Variants in DCP2 observed in about 807,000 individuals in gnomAD.
The protein encoded by DCP2 is decapping mRNA 2.
Under a neutral mutation model 56.1 loss-of-function variants are expected in DCP2, and 30 were observed. The ratio of observed to expected loss-of-function variants is 0.53; its 90% CI spans 0.40 to 0.73. The LOEUF is 0.73. Ranked by LOEUF, DCP2 falls within the 30% of genes least tolerant of loss-of-function variation. The pLI, the probability that DCP2 is intolerant of heterozygous loss-of-function variation, is 0.00. For missense variants in DCP2, 533 were observed against 502.7 expected, an observed-to-expected ratio of 1.06 and a Z score of -0.58; for synonymous variants, 197 against 163.3, an observed-to-expected ratio of 1.21 and a Z score of -1.57.
Position 113,007,989 on chromosome 5 carries a change from C to A in DCP2, c.994C>A (p.Gln332Lys). Residue 332 changes from glutamine (Q) to lysine (K), a missense_variant, in exon 9 of 11, where the codon CAA becomes AAA. Physicochemically the swap from Gln to Lys is moderately conservative, Grantham distance 53 (BLOSUM62 1). This residue lies in a region of DCP2 where 392 missense variants were observed against 346.6 expected (regional missense o/e 1.13). Transcript: ENST00000389063. ...GRKQYQDSPN[Q>K]KKRTNGLQPA... ...AAAACAGTATCAAGATTCACCTAAT[C>A]AAAAGAAAAGAACAAATGGGCTTCA... is the stretch of plus-strand genomic sequence containing the variant. 1 of 1,613,854 alleles carries A rather than the reference C, an allele frequency of 6.2e-7. No homozygotes were observed. Among genetic ancestry groups the A allele is most frequent in the East Asian group, 2.2e-5 (1 of 44,860 alleles).
At position 113,021,001 on chromosome 5, in the gene DCP2, C is replaced by T. The variant is rs533330226; in HGVS notation, c.*7517C>T. The T allele has an allele frequency of 3.9e-5, 6 of 152,100 alleles. No homozygotes were observed. Among genetic ancestry groups the T allele is most frequent in the South Asian group, 4.2e-4 (2 of 4,814 alleles). 9.4% of individuals were successfully genotyped at this position (152,100 alleles called of 1,614,324 possible). ...GTTTTCTGCTACTGTTATTTATCAT[C>T]GTAGGTTCTGAGTTGCTCATTGTGG... On this transcript the variant is annotated 3_prime_UTR_variant, in exon 11 of 11. Coordinates refer to ENST00000389063, the MANE Select transcript of DCP2 (RefSeq NM_152624.6).
chr5:113,001,531 C>T (rs1749179447), intron 6 of DCP2, 36 bp from the exon 7 acceptor site: 4 of 1,608,388 alleles, frequency 2.5e-6, no homozygotes, highest in Non-Finnish European at 2.6e-6. Context: ...CTGTCTGTAG[C>T]CATATTTTGA....
intron 8 of DCP2, among the ~76,000 whole-genome samples, chr5:113,007,484 T>C (rs2150189210): frequency 6.6e-6 from 1 of 151,400 alleles, no homozygotes; most frequent in East Asian, 2.0e-4. Flanking sequence ...GACTGCAACC[T>C]CCACCTCCTG....
At chr5:112,994,615 C>T (rs1030457758) in intron 4 of DCP2, among the ~76,000 whole-genome samples, 1 of 152,098 alleles carries the variant, frequency 6.6e-6, no homozygotes, top group Non-Finnish European at 1.5e-5. Context: ...TTGCCGTATT[C>T]TTATTTCTTA....
At chr5:112,994,666 T>G (rs1748767062) in intron 4 of DCP2, among the ~76,000 whole-genome samples, 1 of 152,170 alleles carries the variant, frequency 6.6e-6, no homozygotes, top group Non-Finnish European at 1.5e-5. Flanking sequence ...ACAATTATTC[T>G]TGAGATTTGA....
intron 10 of DCP2, among the ~76,000 whole-genome samples, chr5:113,012,399 T>C (rs1340293713): frequency 6.6e-6 from 1 of 152,158 alleles, no homozygotes; most frequent in Non-Finnish European, 1.5e-5. Flanking sequence ...TCGATCTTAG[T>C]TGGGCATTAT....
intron 9 of DCP2, 192 bp downstream of exon 9, chr5:113,008,234 ATGT>A: frequency 2.1e-6 from 1 of 472,480 alleles, no homozygotes; most frequent in East Asian, 3.1e-5. Flanking sequence ...CAAATGTATA[ATGT>A]TGATGCAATT....
At chr5:113,009,404 A>G (rs916784003) in intron 9 of DCP2, among the ~76,000 whole-genome samples, 4 of 152,258 alleles carry the variant, frequency 2.6e-5, no homozygotes, top group East Asian at 1.9e-4. Flanking sequence ...GTTAAACTGT[A>G]TATGTGGTCA....
chr5:112,983,194 A>G (rs553754150), intron 1 of DCP2, among the ~76,000 whole-genome samples: 17 of 152,332 alleles, frequency 1.1e-4, no homozygotes, highest in South Asian at 1.0e-3. Flanking sequence ...TTTCTCTTCA[A>G]GTAAGACAAA....
At chr5:112,977,958 G>T (rs531681246) in intron 1 of DCP2, among the ~76,000 whole-genome samples, 480 of 151,538 alleles carry the variant, frequency 3.2e-3, no homozygotes, top group Non-Finnish European at 4.7e-3. Context: ...GTTTTTTGGG[G>T]TTTTTTTTGT....
At chr5:112,993,690 T>C (rs769906519) in intron 4 of DCP2, among the ~76,000 whole-genome samples, 19 of 150,944 alleles carry the variant, frequency 1.3e-4, no homozygotes, top group Non-Finnish European at 2.4e-4. Flanking sequence ...CTACCTGGAA[T>C]GTCCTCTCTT....
intron 9 of DCP2, among the ~76,000 whole-genome samples, chr5:113,008,721 T>C (rs1024161844): frequency 2.0e-5 from 3 of 152,230 alleles, no homozygotes; most frequent in African/African-American, 7.2e-5. Flanking sequence ...ATTTGACTAC[T>C]TTACCTTTAT....
chr5:113,007,642 C>T (rs1390285924), intron 8 of DCP2, among the ~76,000 whole-genome samples: 2 of 152,060 alleles, frequency 1.3e-5, no homozygotes, highest in African/African-American at 4.8e-5. Context: ...CGTGATCCGC[C>T]CGCCTCAGCC....
chr5:113,010,906 A>G, intron 10 of DCP2, 99 bp downstream of exon 10: 1 of 1,269,914 alleles, frequency 7.9e-7, no homozygotes, highest in East Asian at 2.4e-5. Context: ...TGTGATAGTT[A>G]AGCAGGAAGA....
At chr5:112,988,074 G>A (rs1360974679) in intron 2 of DCP2, among the ~76,000 whole-genome samples, 1 of 152,058 alleles carries the variant, frequency 6.6e-6, no homozygotes, top group African/African-American at 2.4e-5. Context: ...ATGAAGTATG[G>A]AATCCTTCGG....
rs1254372288 is a variant in DCP2 at position 113,001,148 on chromosome 5, G to A, written c.497G>A (p.Arg166Gln). Residue 166 changes from arginine (R) to glutamine (Q), a missense_variant, in exon 5 of 11, where the codon CGA (arginine) becomes CAA (glutamine). Around this residue, in one of 3 missense-constraint regions of DCP2, gnomAD observed 392 missense variants for 346.6 expected, o/e 1.13. Transcript: ENST00000389063. ...YICKDDYIEL[R>Q]INDQLARLYI... ...TGTAAGGATGATTACATTGAACTTC[G>A]AATCAATGACCAGCTTGCTCGTTTG... 6 of 1,613,772 alleles carry A rather than the reference G, an allele frequency of 3.7e-6. No homozygotes were observed. Among genetic ancestry groups the A allele is most frequent in the East Asian group, 2.2e-5 (1 of 44,840 alleles).
At chr5:112,989,924 T>A (rs535351559) in intron 2 of DCP2, among the ~76,000 whole-genome samples, 9 of 136,502 alleles carry the variant, frequency 6.6e-5, no homozygotes, top group African/African-American at 2.9e-4. Context: ...GAGGTAAGAT[T>A]GGTGATGATT....
intron 9 of DCP2, among the ~76,000 whole-genome samples, chr5:113,008,537 C>A (rs1024192779): frequency 6.6e-6 from 1 of 152,166 alleles, no homozygotes; most frequent in African/African-American, 2.4e-5. Context: ...TCATAACTCA[C>A]AGTCTCCTGC....
chr5:112,986,151 T>C, intron 2 of DCP2, 165 bp downstream of exon 2: 1 of 594,706 alleles, frequency 1.7e-6, no homozygotes, highest in Non-Finnish European at 2.7e-6. Context: ...GTAATAATCA[T>C]ATTAATAATC....
Sources: gnomAD v4.1 joint callset for allele counts (sites outside exome capture counted in the v4.1 genomes callset) on GRCh38, gnomAD v4.1.1 for gene constraint, gnomAD v4.1.1 regional missense constraint, MANE v1.5 for transcripts, NCBI Gene and HGNC (gene_info 2026-07-23, HGNC 2026-07-21) for gene names.